ODAD4: variants seen among roughly 807,000 people sequenced by gnomAD.
ODAD4 encodes outer dynein arm-docking complex subunit 4.
In ODAD4, 49 loss-of-function variants were observed where a neutral mutation model predicts 51.8. That is an observed-to-expected ratio of 0.95 (90% CI 0.75 to 1.20). The LOEUF (loss-of-function observed/expected upper bound fraction) is 1.20, where lower values mean the gene tolerates loss of function less well. Among genes scored for constraint, ODAD4 ranks in the 50% most tolerant of loss-of-function variants. The pLI is 0.00. For missense variants in ODAD4, 590 were observed against 586.5 expected (o/e 1.01, Z -0.06); for synonymous variants, 235 against 221.3 (o/e 1.06, Z -0.55).
chr17:41,955,903 C>T (rs1309556591), intron 10 of ODAD4, among the ~76,000 whole-genome samples: 11 of 151,974 alleles, frequency 7.2e-5, no homozygotes, highest in African/African-American at 2.2e-4. Flanking sequence ...GCCTCGACCT[C>T]CTGGGCTCAA....
At position 41,946,884 on chromosome 17, in the gene ODAD4, T is replaced by C. The variant is rs188089120; in HGVS notation, c.1145+1662T>C. 1.6e-3 allele frequency among the ~76,000 whole-genome samples: 249 copies of C among 151,480 alleles called. 1 individual carries two copies. Among genetic ancestry groups the C allele is most frequent in the Non-Finnish European group, 2.9e-3 (195 of 67,836 alleles). On this transcript the variant is annotated intron_variant, in intron 8 of 11. Coordinates refer to ENST00000377540, the MANE Select transcript of ODAD4 (RefSeq NM_031421.5). ...TTTTTTTTTTGAGACGGAGTCTCGC[T>C]CTGTCCCCCACGCTGGAGTGCAGTG...
chr17:41,946,376 A>C (rs1024955503), intron 8 of ODAD4, among the ~76,000 whole-genome samples: 1 of 152,196 alleles, frequency 6.6e-6, no homozygotes, highest in East Asian at 1.9e-4. Flanking sequence ...CCCAGGCTGG[A>C]GTGCAATGGC....
At chr17:41,951,827 T>C (rs187694758) in intron 9 of ODAD4, among the ~76,000 whole-genome samples, 21 of 132,396 alleles carry the variant, frequency 1.6e-4, no homozygotes, top group Non-Finnish European at 2.3e-4. Context: ...GAGGTTGCAG[T>C]GAGCCCAGAT....
chr17:41,962,455 G>A (rs533203800), intron 11 of ODAD4, among the ~76,000 whole-genome samples: 65 of 152,306 alleles, frequency 4.3e-4, no homozygotes, highest in African/African-American at 1.5e-3. Context: ...GAAGATGGCT[G>A]AGCAGCCCTA....
chr17:41,952,631 T>C (rs782261151), intron 9 of ODAD4: 1 of 513,620 alleles, frequency 1.9e-6, no homozygotes, highest in East Asian at 5.5e-5. Context: ...GTGACTCTTC[T>C]GCAGACCTTT....
At chr17:41,954,644 G>GA (rs2050703578) in intron 9 of ODAD4, among the ~76,000 whole-genome samples, 1 of 151,878 alleles carries the variant, frequency 6.6e-6, no homozygotes, top group Non-Finnish European at 1.5e-5. Context: ...CTGAGGTCAG[G>GA]GTTTAAGACC....
intron 5 of ODAD4, 137 bp downstream of exon 5, chr17:41,937,064 A>C: frequency 1.9e-6 from 2 of 1,075,470 alleles, no homozygotes; most frequent in Non-Finnish European, 2.7e-6. Flanking sequence ...TAGCATTCTC[A>C]TTTTACAGAT....
At chr17:41,942,234 G>C (rs1055933827) in intron 7 of ODAD4, among the ~76,000 whole-genome samples, 152,298 of 152,298 alleles carry the variant, frequency 1, 76,149 homozygotes, top group Non-Finnish European at 1. Context: ...CCATGCCCGG[G>C]CTATTAGTTT....
chr17:41,935,558 G>A (rs782426202), intron 2 of ODAD4, 41 bp from the exon 3 acceptor site: 2 of 1,589,836 alleles, frequency 1.3e-6, no homozygotes, highest in African/African-American at 2.7e-5. Flanking sequence ...GTCCTATAAG[G>A]CCTTATCTGT....
chr17:41,947,029 T>G (rs1463962545), intron 8 of ODAD4, among the ~76,000 whole-genome samples: 1 of 151,422 alleles, frequency 6.6e-6, no homozygotes, highest in East Asian at 2.0e-4. Flanking sequence ...TTTGTATTTT[T>G]AGTAGAGACG....
At chr17:41,952,566 A>AAC in intron 9 of ODAD4, 1 of 343,592 alleles carries the variant, frequency 2.9e-6, no homozygotes, top group Non-Finnish European at 5.9e-6. Flanking sequence ...AAAAAAAAAA[A>AAC]AAACAGAAAG....
chr17:41,939,231 T>A, intron 7 of ODAD4, 59 bp downstream of exon 7: 7 of 1,490,284 alleles, frequency 4.7e-6, no homozygotes, highest in Non-Finnish European at 6.3e-6. Context: ...CCTGGGGCTA[T>A]CTGAGGCCCT....
In ODAD4 at chr17:41,936,941, T is replaced by C. The variant is rs781807671; in HGVS notation, c.625+14T>C. 3.1e-6 allele frequency: 5 copies of C among 1,612,314 alleles called. No homozygotes were observed. Among genetic ancestry groups the C allele is most frequent in the Non-Finnish European group, 3.4e-6 (4 of 1,178,578 alleles). On this transcript the variant is annotated intron_variant, in intron 5 of 11. Transcript: ENST00000377540. Reference sequence around the variant, plus strand: ...TATTGGATGAAGGTTTCGGACACTTTGTTGGCACGGGGCCTTGGGGGAAAG... The same window carrying C: ...TATTGGATGAAGGTTTCGGACACTTCGTTGGCACGGGGCCTTGGGGGAAAG...
At position 41,939,177 on chromosome 17, in the gene ODAD4, G is replaced by A. The variant is rs1432098154; in HGVS notation, c.1058+5G>A. On this transcript the variant is annotated splice_donor_5th_base_variant and intron_variant, in intron 7 of 11. Transcript: ENST00000377540. ...CCTGGAGATCGCCAAGGAATAGTGAGTGCCCTAGGGGAGGCCACTGGCGTG... is the reference window on the plus strand; with the variant it reads ...CCTGGAGATCGCCAAGGAATAGTGAATGCCCTAGGGGAGGCCACTGGCGTG... The A allele has an allele frequency of 6.2e-7, 1 of 1,612,398 alleles. No homozygotes were observed. The highest frequency in any genetic ancestry group is 1.1e-5 in the South Asian group (1 of 90,900).
intron 10 of ODAD4, among the ~76,000 whole-genome samples, chr17:41,961,078 G>C (rs1423524991): frequency 6.6e-6 from 1 of 152,202 alleles, no homozygotes; most frequent in Non-Finnish European, 1.5e-5. Context: ...GCCAAAAGCA[G>C]CTTTAGGTAG....
chr17:41,955,513 C>T (rs149708679), intron 10 of ODAD4, among the ~76,000 whole-genome samples, 196 bp downstream of exon 10: 3,482 of 152,192 alleles, frequency 0.023, 139 homozygotes, highest in African/African-American at 0.079. Flanking sequence ...CTGCAAGCTC[C>T]GCTTCCGGGT....
At chr17:41,937,763 C>T (rs2050448130) in intron 5 of ODAD4, among the ~76,000 whole-genome samples, 1 of 152,236 alleles carries the variant, frequency 6.6e-6, no homozygotes, top group African/African-American at 2.4e-5. Flanking sequence ...TGAGCCACTA[C>T]ACCTGGCCAG....
chr17:41,957,040 G>T (rs992846241), intron 10 of ODAD4, among the ~76,000 whole-genome samples: 2 of 152,112 alleles, frequency 1.3e-5, no homozygotes, highest in Non-Finnish European at 2.9e-5. Flanking sequence ...ATCTAGATGG[G>T]ACTACAGATG....
chr17:41,942,844 T>G (rs552562888), intron 7 of ODAD4, among the ~76,000 whole-genome samples: 3 of 152,154 alleles, frequency 2.0e-5, no homozygotes, highest in African/African-American at 7.2e-5. Flanking sequence ...CCCAGTGTTT[T>G]TGTGTGTGTG....
Sources: allele counts gnomAD v4.1 joint callset (sites outside exome capture counted in the v4.1 genomes callset), GRCh38; gene constraint gnomAD v4.1.1; transcripts MANE v1.5; gene names NCBI Gene and HGNC (gene_info 2026-07-23, HGNC 2026-07-21).